Variants in LARGE1 observed in about 807,000 individuals in gnomAD.
The protein encoded by LARGE1 is xylosyl- and glucuronyltransferase LARGE1.
A neutral mutation model predicts 87.6 loss-of-function variants in LARGE1; 43 were observed. That is an observed-to-expected ratio of 0.49 (90% confidence interval 0.38 to 0.63). LARGE1 has a LOEUF of 0.63. Among genes scored for constraint, LARGE1 ranks in the 30% least tolerant of loss-of-function variants. The probability of loss-of-function intolerance (pLI) is 0.00; values close to 1 mark genes in which losing one functional copy is unlikely to be tolerated. For synonymous variants in LARGE1, 434 were observed against 394.6 expected, an observed-to-expected ratio of 1.10 and a Z score of -1.18; for missense variants, 802 against 1,000.2, an observed-to-expected ratio of 0.80 and a Z score of 2.67.
intron 1 of LARGE1, among the ~76,000 whole-genome samples, chr22:33,916,913 G>T (rs1303726577): frequency 6.6e-6 from 1 of 152,210 alleles, no homozygotes; most frequent in Non-Finnish European, 1.5e-5. Flanking sequence ...CCCCTTGGCT[G>T]TACTGTGCCC....
the LARGE1 span, among the ~76,000 whole-genome samples, chr22:33,089,851 T>A: frequency 6.6e-6 from 1 of 152,160 alleles, no homozygotes; most frequent in South Asian, 2.1e-4. Flanking sequence ...AGAAGGGGAC[T>A]GAGAATGAAA....
intron 1 of LARGE1, among the ~76,000 whole-genome samples, chr22:33,857,647 C>T (rs2063792616): frequency 6.6e-6 from 1 of 152,206 alleles, no homozygotes; most frequent in South Asian, 2.1e-4. Context: ...CAAGAGATCT[C>T]GCCTTTGACA....
chr22:33,790,087 C>T (rs567893124), intron 1 of LARGE1, among the ~76,000 whole-genome samples: 31 of 152,184 alleles, frequency 2.0e-4, no homozygotes, highest in African/African-American at 6.7e-4. Context: ...ACATCAAGGG[C>T]GGCACTAGGT....
chr22:33,878,125 A>ATTTATTTTT (rs1601836110), intron 1 of LARGE1, among the ~76,000 whole-genome samples: 1 of 51,234 alleles, frequency 2.0e-5, no homozygotes. Flanking sequence ...TTTATATTGT[A>ATTTATTTTT]TTTCTTTTTT....
intron 1 of LARGE1, among the ~76,000 whole-genome samples, chr22:33,799,619 G>C (rs557596403): frequency 1.3e-5 from 2 of 152,150 alleles, no homozygotes; most frequent in South Asian, 4.2e-4. Flanking sequence ...TTTAAGTAGA[G>C]ACGGGGTTTC....
In LARGE1 at chr22:33,711,028, C is replaced by T. The variant is rs531638589; in HGVS notation, c.106+50343G>A. On this transcript the variant is annotated intron_variant, in intron 2 of 14. Coordinates refer to ENST00000397394, the MANE Select transcript of LARGE1 (RefSeq NM_133642.5). ...TCATTTATTGTGCCCCTACTGTGTA[C>T]GAGGCACTGTGCTGGATATAGATCC... is the stretch of plus-strand genomic sequence containing the variant. Among the ~76,000 whole-genome samples the T allele has an allele frequency of 1.4e-3, 217 of 152,216 alleles. 1 individual carries two copies. Among genetic ancestry groups the T allele is most frequent in the Admixed American group, 2.6e-3 (40 of 15,284 alleles).
the LARGE1 span, among the ~76,000 whole-genome samples, chr22:33,115,536 G>A: frequency 3.2e-4 from 48 of 152,136 alleles, no homozygotes; most frequent in African/African-American, 9.4e-4. Flanking sequence ...GAAGAGAAGA[G>A]GCCAGGCGAG....
At chr22:33,283,106 C>T (rs566845323) in intron 13 of LARGE1, 96 bp downstream of exon 13, 40 of 1,511,656 alleles carry the variant, frequency 2.6e-5, no homozygotes, top group African/African-American at 2.6e-4. Context: ...CTAAGGCGAG[C>T]GACAAACTTC....
At chr22:33,332,226 T>C (rs1291261846) in intron 10 of LARGE1, among the ~76,000 whole-genome samples, 3 of 152,138 alleles carry the variant, frequency 2.0e-5, no homozygotes, top group South Asian at 2.1e-4. Context: ...AACTGAATCA[T>C]GGGGGCAGGT....
chr22:33,558,638 A>T (rs2077765131), intron 6 of LARGE1, among the ~76,000 whole-genome samples: 1 of 152,206 alleles, frequency 6.6e-6, no homozygotes, highest in African/African-American at 2.4e-5. Flanking sequence ...TTCTGACTCC[A>T]CCAATTCCAT....
chr22:33,918,017 C>T lies in LARGE1; in HGVS notation c.-83+1978G>A, dbSNP rs145237858. Among the ~76,000 whole-genome samples, 12 of 152,220 alleles carry T rather than the reference C, an allele frequency of 7.9e-5. No homozygotes were observed. The East Asian group carries it at 1.9e-3, about 25-fold the overall frequency. On this transcript the variant is annotated intron_variant, in intron 1 of 14. Coordinates refer to ENST00000397394, the MANE Select transcript of LARGE1 (RefSeq NM_133642.5). ...GCTACTGTAGGTGGCTGAAGGATGG[C>T]GACACTACAGGACGCACCCTCCCTG...
At position 33,748,131 on chromosome 22, in the gene LARGE1, G is replaced by GT. The variant is rs1470881901; in HGVS notation, c.106+13239dup. On this transcript the variant is annotated intron_variant, in intron 2 of 14. Transcript: ENST00000397394. ...GCCAGGGTTCTTCCTATCAATGCAG[G>GT]TTTGTTTTTTTTTTTTTTTTAGACA... is the stretch of plus-strand genomic sequence containing the variant. Among the ~76,000 whole-genome samples, 312 of 130,356 alleles carry GT rather than the reference G, an allele frequency of 2.4e-3. 6 individuals are homozygous for GT. Among genetic ancestry groups the GT allele is most frequent in the African/African-American group, 8.2e-3 (227 of 27,678 alleles). 85.5% of individuals were successfully genotyped at this position (130,356 alleles called of 152,430 possible). A position where few individuals can be genotyped will look rare whatever the true frequency, so the allele number is the denominator to read the frequency against.
At chr22:33,221,110 G>A (rs1486127776) in intron 11 of LARGE1, among the ~76,000 whole-genome samples, 1 of 151,974 alleles carries the variant, frequency 6.6e-6, no homozygotes, top group Non-Finnish European at 1.5e-5. Flanking sequence ...CTATCATTAA[G>A]AAACTTATAA....
intron 1 of LARGE1, among the ~76,000 whole-genome samples, chr22:33,770,235 ACT>A (rs1212693274): frequency 5.3e-5 from 8 of 152,274 alleles, no homozygotes; most frequent in African/African-American, 1.9e-4. Flanking sequence ...AAAATGTGTA[ACT>A]CATCCTCAGA....
intron 9 of LARGE1, among the ~76,000 whole-genome samples, chr22:33,372,170 TA>T (rs1165895253): frequency 6.6e-6 from 1 of 152,070 alleles, no homozygotes; most frequent in Non-Finnish European, 1.5e-5. Context: ...AACATAAATA[TA>T]AGTTGTTTTC....
At chr22:33,123,405 T>C in the LARGE1 span, among the ~76,000 whole-genome samples, 4 of 152,208 alleles carry the variant, frequency 2.6e-5, no homozygotes, top group Non-Finnish European at 5.9e-5. Context: ...AGATTTGAAT[T>C]TCCTCCACTT....
chr22:33,679,764 C>G (rs1486635393), intron 2 of LARGE1, among the ~76,000 whole-genome samples: 1 of 152,128 alleles, frequency 6.6e-6, no homozygotes. Flanking sequence ...ATTGCTTGAA[C>G]CCGGGAGGCG....
intron 9 of LARGE1, among the ~76,000 whole-genome samples, chr22:33,347,881 G>C (rs1030972869): frequency 1.3e-5 from 2 of 152,186 alleles, no homozygotes; most frequent in African/African-American, 4.8e-5. Flanking sequence ...AAGGTATATT[G>C]CATGTGTTCA....
intron 11 of LARGE1, among the ~76,000 whole-genome samples, chr22:33,194,604 C>T (rs766282028): frequency 6.6e-6 from 1 of 152,106 alleles, no homozygotes; most frequent in Non-Finnish European, 1.5e-5. Context: ...TCTGTCCATC[C>T]ACTTCTTGCA....
Sources: gnomAD v4.1 joint callset for allele counts (sites outside exome capture counted in the v4.1 genomes callset) on GRCh38, gnomAD v4.1.1 for gene constraint, MANE v1.5 for transcripts, NCBI Gene and HGNC (gene_info 2026-07-23, HGNC 2026-07-21) for gene names.